FNTB: variants seen among roughly 807,000 people sequenced by gnomAD.
The protein encoded by FNTB is farnesyltransferase, CAAX box, subunit beta, also known as protein farnesyltransferase subunit beta.
A neutral mutation model predicts 59.4 loss-of-function variants in FNTB; 27 were observed. The observed-to-expected ratio is 0.45, with a 90% confidence interval of 0.34 to 0.63. The LOEUF (loss-of-function observed/expected upper bound fraction) is 0.63, where lower values mean the gene tolerates loss of function less well. Among genes scored for constraint, FNTB ranks in the 20% least tolerant of loss-of-function variants. The pLI, the probability that FNTB is intolerant of heterozygous loss-of-function variation, is 0.02. For missense variants in FNTB, 449 were observed against 559.6 expected, an observed-to-expected ratio of 0.80 and a Z score of 1.99; for synonymous variants, 230 against 220.7, an observed-to-expected ratio of 1.04 and a Z score of -0.37.
chr14:65,041,647 C>T (rs902525694), intron 8 of FNTB, among the ~76,000 whole-genome samples: 4 of 152,202 alleles, frequency 2.6e-5, no homozygotes, highest in Admixed American at 1.3e-4. Context: ...TGCGGCCCAT[C>T]GTGAGCTTCC....
chr14:64,989,861 A>G (rs1220479037), intron 1 of FNTB, among the ~76,000 whole-genome samples: 1 of 152,238 alleles, frequency 6.6e-6, no homozygotes, highest in Non-Finnish European at 1.5e-5. Context: ...ATCTCAATAT[A>G]AAATGTTAAT....
At chr14:65,055,046 C>T (rs751947872) in intron 11 of FNTB, among the ~76,000 whole-genome samples, 1 of 152,244 alleles carries the variant, frequency 6.6e-6, no homozygotes, top group Non-Finnish European at 1.5e-5. Flanking sequence ...TGCAGCCATG[C>T]GGCACTGGCT....
rs1233168396 is a variant in FNTB, at chr14:65,028,270, A to G, written c.605+489A>G. On this transcript the variant is annotated intron_variant, in intron 6 of 11. Coordinates refer to ENST00000246166, the MANE Select transcript of FNTB (RefSeq NM_002028.4). This position sits in a 1 kb window ranked among gnomAD's most constrained non-coding sequence, Gnocchi z 4.4. ...CTTGTGGGCCGGGAGAGTGCAGTGC[A>G]ATAAAATCGCATTAACTGATTGGTG... Among the ~76,000 whole-genome samples the G allele has an allele frequency of 6.6e-6, 1 of 152,160 alleles. No individual in the cohort carries two copies. Among genetic ancestry groups the G allele is most frequent in the Non-Finnish European group, 1.5e-5 (1 of 68,028 alleles).
Position 64,994,279 on chromosome 14 carries a change from G to A in FNTB, c.144+7182G>A, listed in dbSNP as rs1367105244. 6.6e-6 allele frequency among the ~76,000 whole-genome samples: 1 copy of A among 152,080 alleles called. No homozygotes were observed. Among genetic ancestry groups the A allele is most frequent in the Non-Finnish European group, 1.5e-5 (1 of 68,016 alleles). Reference sequence around the variant, plus strand: ...TATTGCCATGGCACCTAAGTGTTGGGGACCCTAGTACAGTTACTTGATCCC... The same window carrying A: ...TATTGCCATGGCACCTAAGTGTTGGAGACCCTAGTACAGTTACTTGATCCC... On this transcript the variant is annotated intron_variant, in intron 1 of 11. Coordinates refer to ENST00000246166, the MANE Select transcript of FNTB (RefSeq NM_002028.4). The surrounding 1 kb of genome is among the most constrained non-coding windows in gnomAD (Gnocchi z 4.2).
At chr14:65,057,900 T>C (rs1316165826) in intron 11 of FNTB, among the ~76,000 whole-genome samples, 1 of 152,218 alleles carries the variant, frequency 6.6e-6, no homozygotes, top group Non-Finnish European at 1.5e-5. Flanking sequence ...TCTTATTTTG[T>C]TCCTTTGGTC....
intron 11 of FNTB, among the ~76,000 whole-genome samples, chr14:65,060,440 T>C (rs1409179271): frequency 7.5e-6 from 1 of 132,758 alleles, no homozygotes; most frequent in East Asian, 2.2e-4. Flanking sequence ...AATACAAAAA[T>C]AATCCCAGCA....
chr14:65,015,090 C>CT lies in FNTB; in HGVS notation c.283-527dup, dbSNP rs372991110. Among the ~76,000 whole-genome samples, 1,020 of 149,512 alleles carry CT rather than the reference C, an allele frequency of 6.8e-3. 12 individuals are homozygous for CT. The highest frequency in any genetic ancestry group is 0.023 in the African/African-American group (938 of 40,004). ...GTCATCTTTTTTTTAATCCTGTTGT[C>CT]TTTTTTTTCTTTTCTTTCTTTTTTT... On this transcript the variant is annotated intron_variant, in intron 3 of 11. Transcript: ENST00000246166.
Position 65,016,706 on chromosome 14 carries a change from C to A in FNTB, c.374+990C>A, listed in dbSNP as rs551172264. On this transcript the variant is annotated intron_variant, in intron 4 of 11. Coordinates refer to ENST00000246166, the MANE Select transcript of FNTB (RefSeq NM_002028.4). ...AACCTCTCATTCTTGCCTTCCTGGG[C>A]AGGGTGTCTTGTGATGAATGTGGAT... 2.6e-5 allele frequency among the ~76,000 whole-genome samples: 4 copies of A among 152,280 alleles called. No individual in the cohort carries two copies. The South Asian group carries it at 8.3e-4, about 32-fold the overall frequency.
At chr14:65,018,829 G>T (rs1357548464) in intron 4 of FNTB, among the ~76,000 whole-genome samples, 2 of 121,946 alleles carry the variant, frequency 1.6e-5, no homozygotes, top group Admixed American at 7.9e-5. Flanking sequence ...AAAAAAAAAA[G>T]GCCAGGCGCG....
In FNTB at chr14:65,032,733, A is replaced by G; in HGVS notation, c.692+37A>G. The G allele has an allele frequency of 2.5e-6, 4 of 1,597,476 alleles. No individual in the cohort carries two copies. The highest frequency in any genetic ancestry group is 1.3e-5 in the African/African-American group (1 of 74,116). ...CAGGGTTTCTCCTGGCCTCTTGGAG[A>G]GCAGGCGGTCACGACACTACTTCAG... On this transcript the variant is annotated intron_variant, in intron 7 of 11. Transcript: ENST00000246166. The surrounding 1 kb of genome is among the most constrained non-coding windows in gnomAD (Gnocchi z 5.0).
chr14:65,027,677 A>C lies in FNTB; in HGVS notation c.522-21A>C. 6.2e-7 allele frequency: 1 copy of C among 1,614,082 alleles called. No homozygotes were observed. Among genetic ancestry groups the C allele is most frequent in the Non-Finnish European group, 8.5e-7 (1 of 1,179,996 alleles). ...ACACGCACTGACTGTTGCCTCTCCT[A>C]CCTCTTTCCCTGTTTCTCAGAGAGA... On this transcript the variant is annotated intron_variant, in intron 5 of 11. Transcript: ENST00000246166. The surrounding 1 kb of genome is among the most constrained non-coding windows in gnomAD (Gnocchi z 5.7).
At chr14:65,042,512 G>A (rs1463905768) in intron 8 of FNTB, among the ~76,000 whole-genome samples, 1 of 152,172 alleles carries the variant, frequency 6.6e-6, no homozygotes, top group Non-Finnish European at 1.5e-5. Context: ...GTGGAGCTCA[G>A]GCAGTAATGG....
intron 4 of FNTB, chr14:65,022,128 A>G: frequency 2.2e-6 from 1 of 454,064 alleles, no homozygotes; most frequent in Non-Finnish European, 4.4e-6. Context: ...AGGGAAGGAG[A>G]TTTCCTCTTC....
chr14:65,030,415 TG>T lies in FNTB; in HGVS notation c.606-2194del, dbSNP rs577768908. On this transcript the variant is annotated intron_variant, in intron 6 of 11. Coordinates refer to ENST00000246166, the MANE Select transcript of FNTB (RefSeq NM_002028.4). The surrounding 1 kb of genome is among the most constrained non-coding windows in gnomAD (Gnocchi z 4.5). ...CTTCTTTGGAATACCTCAGTAAGTC[TG>T]ACTTCATGTTATATCTATACTGAGT... Among the ~76,000 whole-genome samples the T allele has an allele frequency of 1.2e-4, 18 of 152,318 alleles. No homozygotes were observed. In the East Asian group the frequency reaches 3.3e-3, roughly 28 times the overall value.
Position 65,007,089 on chromosome 14 carries a change from T to C in FNTB, c.209+2776T>C, listed in dbSNP as rs2061606642. Among the ~76,000 whole-genome samples the C allele has an allele frequency of 6.6e-6, 1 of 152,216 alleles. No individual in the cohort carries two copies. The highest frequency in any genetic ancestry group is 1.5e-5 in the Non-Finnish European group (1 of 68,042). ...GTGTTTTAAAGGATGCTAATTAATATTGGAGATACTATACATTTTGGCTGA... is the reference window on the plus strand; with the variant it reads ...GTGTTTTAAAGGATGCTAATTAATACTGGAGATACTATACATTTTGGCTGA... On this transcript the variant is annotated intron_variant, in intron 2 of 11. Transcript: ENST00000246166. This position sits in a 1 kb window ranked among gnomAD's most constrained non-coding sequence, Gnocchi z 4.9.
chr14:65,007,255 T>C lies in FNTB; in HGVS notation c.209+2942T>C, dbSNP rs1158094124. Among the ~76,000 whole-genome samples, 14 of 152,222 alleles carry C rather than the reference T, an allele frequency of 9.2e-5. No individual in the cohort carries two copies. The highest frequency in any genetic ancestry group is 9.2e-4 in the Admixed American group (14 of 15,282). On this transcript the variant is annotated intron_variant, in intron 2 of 11. Coordinates refer to ENST00000246166, the MANE Select transcript of FNTB (RefSeq NM_002028.4). This position sits in a 1 kb window ranked among gnomAD's most constrained non-coding sequence, Gnocchi z 4.9. ...ATCACAGTCTCAATATTTAACATAT[T>C]AATAGTCAAAATTTAAAAGTCTGAC...
At chr14:64,993,979 C>G (rs941755434) in intron 1 of FNTB, among the ~76,000 whole-genome samples, 1 of 152,060 alleles carries the variant, frequency 6.6e-6, no homozygotes, top group Non-Finnish European at 1.5e-5. Context: ...CCTCAGGCTC[C>G]CAAGTACCTG....
At position 65,020,138 on chromosome 14, in the gene FNTB, G is replaced by A. The variant is rs3783716; in HGVS notation, c.374+4422G>A. On this transcript the variant is annotated intron_variant, in intron 4 of 11. Coordinates refer to ENST00000246166, the MANE Select transcript of FNTB (RefSeq NM_002028.4). The stretch of plus-strand genomic sequence containing the variant: ...ACTGCTGTGCTTCTATTTGTTTAGG[G>A]AACAATATGATAAGCTGGGTTCCCT... 6.5e-3 allele frequency among the ~76,000 whole-genome samples: 985 copies of A among 152,208 alleles called. 17 individuals are homozygous for A. The highest frequency in any genetic ancestry group is 0.043 in the South Asian group (209 of 4,816).
rs2062870057 is a variant in FNTB, at chr14:65,061,808, T to TG, written c.*497dup. 6.5e-6 allele frequency: 1 copy of TG among 154,840 alleles called. No individual in the cohort carries two copies. The highest frequency in any genetic ancestry group is 2.0e-4 in the South Asian group (1 of 5,084). 9.6% of individuals were successfully genotyped at this position (154,840 alleles called of 1,614,324 possible). A position where few individuals can be genotyped will look rare whatever the true frequency, so the allele number is the denominator to read the frequency against. ...ACTGTGGTGGAGTTGCACCAGGAGGTGCCTCTGCCTCTCGACTTGCACCCT... is the reference window on the plus strand; with the variant it reads ...ACTGTGGTGGAGTTGCACCAGGAGGTGGCCTCTGCCTCTCGACTTGCACCCT... On this transcript the variant is annotated 3_prime_UTR_variant, in exon 12 of 12. Coordinates refer to ENST00000246166, the MANE Select transcript of FNTB (RefSeq NM_002028.4).
Sources: gnomAD v4.1 joint callset for allele counts (sites outside exome capture counted in the v4.1 genomes callset) on GRCh38, gnomAD v4.1.1 for gene constraint, Gnocchi (gnomAD v3.1) non-coding constraint, MANE v1.5 for transcripts, NCBI Gene and HGNC (gene_info 2026-07-23, HGNC 2026-07-21) for gene names.